Variants in BCAS3 observed in about 807,000 individuals in gnomAD.
The protein encoded by BCAS3 is BCAS4/BCAS3 fusion.
In BCAS3, 53 loss-of-function variants were observed where a neutral mutation model predicts 116.1. That is an observed-to-expected ratio of 0.46 (90% CI 0.37 to 0.57). BCAS3 has a LOEUF of 0.57. Ranked by LOEUF, BCAS3 falls within the 20% of genes least tolerant of loss-of-function variation. The probability of loss-of-function intolerance (pLI) is 0.00; values close to 1 mark genes in which losing one functional copy is unlikely to be tolerated. For synonymous variants in BCAS3, 391 were observed against 408.2 expected (o/e 0.96, Z 0.51); for missense variants, 917 against 1,165.4 (o/e 0.79, Z 3.10).
rs1044693842 is a variant in BCAS3 at position 61,352,527 on chromosome 17, C to T, written c.2426-15800C>T. On this transcript the variant is annotated intron_variant, in intron 22 of 23. Transcript: ENST00000407086. This position sits in a 1 kb window ranked among gnomAD's most constrained non-coding sequence, Gnocchi z 4.7. ...AAATGAATAACATCCTGGTTGGCCT[C>T]GGTGGAGTAGAAGTGGAGGGAAGGA... 2.0e-5 allele frequency among the ~76,000 whole-genome samples: 3 copies of T among 152,042 alleles called. No individual in the cohort carries two copies. The highest frequency in any genetic ancestry group is 4.4e-5 in the Non-Finnish European group (3 of 68,012).
rs1471796301 is a variant in BCAS3 at position 60,961,805 on chromosome 17, G to A, written c.1221+14453G>A. 6.7e-6 allele frequency among the ~76,000 whole-genome samples: 1 copy of A among 150,278 alleles called. No homozygotes were observed. Among genetic ancestry groups the A allele is most frequent in the East Asian group, 2.0e-4 (1 of 5,104 alleles). On this transcript the variant is annotated intron_variant, in intron 14 of 23. Transcript: ENST00000407086. The surrounding 1 kb of genome is among the most constrained non-coding windows in gnomAD (Gnocchi z 4.8). ...TTTTTTTTCACATCAGATGGATAATGTGCTGACATTGTAACGAGGCTTGAG... is the reference window on the plus strand; with the variant it reads ...TTTTTTTTCACATCAGATGGATAATATGCTGACATTGTAACGAGGCTTGAG...
chr17:60,996,450 A>G (rs1685640079), intron 15 of BCAS3, among the ~76,000 whole-genome samples: 1 of 152,208 alleles, frequency 6.6e-6, no homozygotes, highest in South Asian at 2.1e-4. Flanking sequence ...ATGAGTCAAG[A>G]TGACTAGTAA....
In BCAS3 at chr17:60,995,835, G is replaced by A. The variant is rs977226284; in HGVS notation, c.1486+5600G>A. 1.3e-5 allele frequency among the ~76,000 whole-genome samples: 2 copies of A among 152,182 alleles called. No individual in the cohort carries two copies. The highest frequency in any genetic ancestry group is 2.9e-5 in the Non-Finnish European group (2 of 68,040). ...GTGAACAAAAGAGAAACATGTCTGT[G>A]TTCCCATGGAGCCACAGAGAAAAAT... On this transcript the variant is annotated intron_variant, in intron 15 of 23. Transcript: ENST00000407086. The surrounding 1 kb of genome is among the most constrained non-coding windows in gnomAD (Gnocchi z 4.7).
chr17:60,755,758 A>G (rs1232151953), intron 6 of BCAS3, among the ~76,000 whole-genome samples: 1 of 152,178 alleles, frequency 6.6e-6, no homozygotes, highest in African/African-American at 2.4e-5. Context: ...TATTTAAGCA[A>G]CCTTAACATT....
chr17:61,217,064 G>A lies in BCAS3; in HGVS notation c.2425+132500G>A, dbSNP rs576368064. The stretch of plus-strand genomic sequence containing the variant: ...TGGGAGGCTGAGGTGGGTGGATCAC[G>A]AGGTCAGGAGATCGAGACCATCCTG... On this transcript the variant is annotated intron_variant, in intron 22 of 23. Transcript: ENST00000407086. The surrounding 1 kb of genome is among the most constrained non-coding windows in gnomAD (Gnocchi z 5.2). Among the ~76,000 whole-genome samples the A allele has an allele frequency of 2.8e-3, 420 of 151,564 alleles. 3 individuals are homozygous for A. The highest frequency in any genetic ancestry group is 0.014 in the Middle Eastern group (4 of 294).
At chr17:60,802,371 C>CATACATATATAT (rs1555724685) in intron 6 of BCAS3, among the ~76,000 whole-genome samples, 66 of 111,946 alleles carry the variant, frequency 5.9e-4, no homozygotes, top group African/African-American at 1.7e-3. Flanking sequence ...TACATACATA[C>CATACATATATAT]ATATATATAT....
At chr17:61,370,563 G>A (rs1200202481) in intron 23 of BCAS3, among the ~76,000 whole-genome samples, 4 of 152,110 alleles carry the variant, frequency 2.6e-5, no homozygotes, top group Admixed American at 6.5e-5. Flanking sequence ...TAATTTTTGC[G>A]TTTATGATAG....
chr17:61,318,079 G>A (rs1040955084), intron 22 of BCAS3, among the ~76,000 whole-genome samples: 2 of 152,226 alleles, frequency 1.3e-5, no homozygotes, highest in African/African-American at 2.4e-5. Context: ...GCCAGAGGCC[G>A]CCTCTCCTGC....
At chr17:61,245,159 G>A (rs1029518476) in intron 22 of BCAS3, 2 of 152,152 alleles carry the variant, frequency 1.3e-5, no homozygotes, top group African/African-American at 4.8e-5. Context: ...TCTTCACGTG[G>A]TTGCAGAGAG....
chr17:60,911,123 C>CTTTTTTTTTTTTTTTTTTTTTTTTTTTT (rs1162942971), intron 12 of BCAS3, among the ~76,000 whole-genome samples: 3 of 88,266 alleles, frequency 3.4e-5, no homozygotes, highest in African/African-American at 9.0e-5. Flanking sequence ...TTTTTTCTTT[C>CTTTTTTTTTTTTTTTTTTTTTTTTTTTT]TTTTTTTTTT....
intron 11 of BCAS3, among the ~76,000 whole-genome samples, chr17:60,904,229 C>T (rs1368322731): frequency 1.3e-5 from 2 of 151,630 alleles, no homozygotes; most frequent in East Asian, 2.0e-4. Flanking sequence ...CATAGTGAAA[C>T]CCCGTCTCTA....
chr17:60,876,896 A>T (rs992860791), intron 9 of BCAS3, among the ~76,000 whole-genome samples: 1 of 152,176 alleles, frequency 6.6e-6, no homozygotes, highest in African/African-American at 2.4e-5. Flanking sequence ...CCTTGCCAAC[A>T]TAAAAATATT....
intron 22 of BCAS3, among the ~76,000 whole-genome samples, chr17:61,341,826 C>T (rs921121243): frequency 3.3e-5 from 5 of 152,206 alleles, no homozygotes; most frequent in African/African-American, 1.2e-4. Flanking sequence ...AGTCAGTAGC[C>T]AGTACTAGGA....
intron 6 of BCAS3, among the ~76,000 whole-genome samples, chr17:60,796,238 C>T (rs1182674406): frequency 1.3e-5 from 2 of 152,144 alleles, no homozygotes; most frequent in Non-Finnish European, 2.9e-5. Context: ...GTAATGCTGG[C>T]TTCATAGAAT....
rs1170393668 is a variant in BCAS3 at position 61,344,265 on chromosome 17, C to CT, written c.2426-24058dup. Among the ~76,000 whole-genome samples, 1 of 152,050 alleles carries CT rather than the reference C, an allele frequency of 6.6e-6. No homozygotes were observed. The highest frequency in any genetic ancestry group is 1.5e-5 in the Non-Finnish European group (1 of 68,012). The stretch of plus-strand genomic sequence containing the variant: ...ACATTAAAAAAAAAAAATCCCCTTG[C>CT]TTTTAAAGAGCCAACCTCTTACCAG... On this transcript the variant is annotated intron_variant, in intron 22 of 23. Transcript: ENST00000407086. This position sits in a 1 kb window ranked among gnomAD's most constrained non-coding sequence, Gnocchi z 4.1.
rs2034027007 is a variant in BCAS3 at position 60,964,626 on chromosome 17, T to C, written c.1221+17274T>C. On this transcript the variant is annotated intron_variant, in intron 14 of 23. Transcript: ENST00000407086. The surrounding 1 kb of genome is among the most constrained non-coding windows in gnomAD (Gnocchi z 4.6). The stretch of plus-strand genomic sequence containing the variant: ...GAGTACAATTGGTATTAATTCTTCT[T>C]TAAATGTTTGGTAGAATTCAGCAGT... Among the ~76,000 whole-genome samples the C allele has an allele frequency of 6.6e-6, 1 of 152,222 alleles. No individual in the cohort carries two copies. Among genetic ancestry groups the C allele is most frequent in the African/African-American group, 2.4e-5 (1 of 41,464 alleles).
intron 14 of BCAS3, among the ~76,000 whole-genome samples, chr17:60,982,188 T>C (rs1346908586): frequency 7.1e-6 from 1 of 140,290 alleles, no homozygotes; most frequent in Non-Finnish European, 1.5e-5. Context: ...TCTGTATTTA[T>C]GTTCATTATT....
intron 22 of BCAS3, among the ~76,000 whole-genome samples, chr17:61,353,375 C>T (rs138695291): frequency 3.3e-5 from 5 of 152,278 alleles, no homozygotes; most frequent in African/African-American, 1.2e-4. Context: ...GTGACGCCGG[C>T]GGTCTGGGGA....
At chr17:61,061,114 C>A (rs1221730091) in intron 19 of BCAS3, among the ~76,000 whole-genome samples, 1 of 152,134 alleles carries the variant, frequency 6.6e-6, no homozygotes, top group African/African-American at 2.4e-5. Context: ...GCTTAATGAT[C>A]ATTTAAGAAG....
Sources: allele counts gnomAD v4.1 joint callset (sites outside exome capture counted in the v4.1 genomes callset), GRCh38; gene constraint gnomAD v4.1.1; non-coding constraint Gnocchi (gnomAD v3.1); transcripts MANE v1.5; gene names NCBI Gene and HGNC (gene_info 2026-07-23, HGNC 2026-07-21).